The following APBA2 variants were observed in gnomAD, a reference collection of about 807,000 sequenced individuals.
APBA2 encodes the protein amyloid-beta A4 precursor protein-binding family A member 2.
Under a neutral mutation model 75.0 loss-of-function variants are expected in APBA2, and 30 were observed. The ratio of observed to expected loss-of-function variants is 0.40; its 90% CI spans 0.30 to 0.54. The LOEUF (loss-of-function observed/expected upper bound fraction) is 0.54. Ranked by LOEUF, APBA2 falls within the 20% of genes least tolerant of loss-of-function variation. The probability of loss-of-function intolerance (pLI) is 0.49; values close to 1 mark genes in which losing one functional copy is unlikely to be tolerated. For synonymous variants in APBA2, 444 were observed against 409.6 expected (o/e 1.08, Z -1.01); for missense variants, 801 against 1,016.1 (o/e 0.79, Z 2.88).
At chr15:28,904,936 A>G (rs1370940801) in intron 1 of APBA2, among the ~76,000 whole-genome samples, 2 of 152,264 alleles carry the variant, frequency 1.3e-5, no homozygotes, top group African/African-American at 4.8e-5. Flanking sequence ...TCACCAGCAC[A>G]CTGAGGGGCT....
At chr15:28,954,247 T>C (rs2036046515) in intron 2 of APBA2, among the ~76,000 whole-genome samples, 1 of 152,186 alleles carries the variant, frequency 6.6e-6, no homozygotes, top group African/African-American at 2.4e-5. Context: ...CCACACTGAC[T>C]GCATACCTTC....
At chr15:29,060,045 A>G (rs926169654) in intron 4 of APBA2, among the ~76,000 whole-genome samples, 2 of 152,158 alleles carry the variant, frequency 1.3e-5, no homozygotes, top group African/African-American at 2.4e-5. Flanking sequence ...ACCCGTACAC[A>G]TGAACTCCCA....
intron 2 of APBA2, among the ~76,000 whole-genome samples, chr15:28,988,050 C>T (rs939523074): frequency 6.6e-6 from 1 of 151,898 alleles, no homozygotes; most frequent in African/African-American, 2.4e-5. Flanking sequence ...AGCCACCATG[C>T]CCAGCCTGTG....
chr15:29,090,363 G>T (rs2043500098), intron 6 of APBA2, among the ~76,000 whole-genome samples: 1 of 152,232 alleles, frequency 6.6e-6, no homozygotes, highest in South Asian at 2.1e-4. Flanking sequence ...GCTCACTTCA[G>T]GGGGAGACGA....
In APBA2 at chr15:28,967,527, C is replaced by G. The variant is rs546457945; in HGVS notation, c.-94-28226C>G. Among the ~76,000 whole-genome samples, 166 of 152,236 alleles carry G rather than the reference C, an allele frequency of 1.1e-3. 1 individual carries two copies. Among genetic ancestry groups the G allele is most frequent in the African/African-American group, 4.0e-3 (165 of 41,536 alleles). ...GATCTTGGCCCACTGCAAGCTCCGC[C>G]TCCCGGGTTCACACCATTCTCCTGC... On this transcript the variant is annotated intron_variant, in intron 2 of 14. Transcript: ENST00000683413.
intron 2 of APBA2, among the ~76,000 whole-genome samples, chr15:28,940,348 T>A (rs1474037851): frequency 1.1e-4 from 2 of 18,512 alleles, no homozygotes. Context: ...CCGTCTCTAC[T>A]AAAAATACAA....
Position 28,913,704 on chromosome 15 carries a change from A to G in APBA2, c.-204-7936A>G, listed in dbSNP as rs1234558328. Among the ~76,000 whole-genome samples the G allele has an allele frequency of 3.3e-5, 5 of 152,224 alleles. 1 individual carries two copies. The highest frequency in any genetic ancestry group is 2.0e-4 in the Admixed American group (3 of 15,286). ...AGCACATGAGACAAGGGGAGCCCCC[A>G]CTTGTGGGTCTCACCGTCTTTAGAA... On this transcript the variant is annotated intron_variant, in intron 1 of 14. Transcript: ENST00000683413.
chr15:29,069,212 G>C (rs1296622013), intron 4 of APBA2, among the ~76,000 whole-genome samples: 1 of 152,150 alleles, frequency 6.6e-6, no homozygotes, highest in Non-Finnish European at 1.5e-5. Flanking sequence ...GTGGCTGAAT[G>C]ATATTCCACT....
chr15:29,064,827 G>C (rs1303455112), intron 4 of APBA2, among the ~76,000 whole-genome samples: 1 of 152,160 alleles, frequency 6.6e-6, no homozygotes, highest in Admixed American at 6.5e-5. Flanking sequence ...GCAGTTAGGA[G>C]ATATCTTACT....
intron 2 of APBA2, among the ~76,000 whole-genome samples, chr15:28,924,536 C>A (rs1194544529): frequency 6.6e-6 from 1 of 152,192 alleles, no homozygotes; most frequent in African/African-American, 2.4e-5. Flanking sequence ...TTCTTTCTGG[C>A]TTCTTTGGCT....
intron 6 of APBA2, among the ~76,000 whole-genome samples, 153 bp from the exon 7 acceptor site, chr15:29,092,922 C>T (rs780213381): frequency 6.6e-6 from 1 of 152,202 alleles, no homozygotes; most frequent in African/African-American, 2.4e-5. Context: ...GCAGACCGGC[C>T]GCCCGTGGCT....
intron 2 of APBA2, among the ~76,000 whole-genome samples, chr15:28,931,694 C>G (rs1159161188): frequency 6.6e-6 from 1 of 152,118 alleles, no homozygotes; most frequent in African/African-American, 2.4e-5. Flanking sequence ...TGGTTGTTTT[C>G]CGGAGTTTGG....
intron 1 of APBA2, among the ~76,000 whole-genome samples, chr15:28,913,796 A>G (rs1190897899): frequency 6.6e-6 from 1 of 152,210 alleles, no homozygotes; most frequent in Non-Finnish European, 1.5e-5. Context: ...AGTTTCTTTC[A>G]TTGTATTCGG....
rs563865344 is a variant in APBA2, at chr15:28,919,884, C to T, written c.-204-1756C>T. Among the ~76,000 whole-genome samples the T allele has an allele frequency of 3.9e-5, 6 of 152,260 alleles. No homozygotes were observed. In the East Asian group the frequency reaches 1.2e-3, roughly 29 times the overall value. On this transcript the variant is annotated intron_variant, in intron 1 of 14. Coordinates refer to ENST00000683413, the MANE Select transcript of APBA2 (RefSeq NM_001353788.2). ...ATGGGCTTGAGCATGGCTGTGGGTG[C>T]TCCGTGTGGCGACAGTGGCATGTTC...
chr15:28,989,626 G>A (rs900758975), intron 2 of APBA2, among the ~76,000 whole-genome samples: 7 of 152,150 alleles, frequency 4.6e-5, no homozygotes, highest in Admixed American at 1.3e-4. Flanking sequence ...TCCCATCCCC[G>A]CTCCAGGGGG....
chr15:29,080,530 C>T (rs555902971), intron 6 of APBA2, among the ~76,000 whole-genome samples: 9 of 152,238 alleles, frequency 5.9e-5, no homozygotes, highest in Admixed American at 2.6e-4. Context: ...CGGGGTCTAG[C>T]GACCCTCTCA....
intron 3 of APBA2, among the ~76,000 whole-genome samples, chr15:29,031,771 A>G (rs2040498845): frequency 1.3e-5 from 2 of 152,258 alleles, no homozygotes; most frequent in Middle Eastern, 3.4e-3. Context: ...TAATTGGTGC[A>G]TTTTACAATC....
chr15:29,030,239 C>T (rs940687961), intron 3 of APBA2, among the ~76,000 whole-genome samples: 1 of 152,168 alleles, frequency 6.6e-6, no homozygotes, highest in Non-Finnish European at 1.5e-5. Context: ...GCAGGCGGAT[C>T]ACGAAATCGG....
At chr15:28,993,258 A>G (rs1417941041) in intron 2 of APBA2, among the ~76,000 whole-genome samples, 1 of 152,202 alleles carries the variant, frequency 6.6e-6, no homozygotes, top group African/African-American at 2.4e-5. Context: ...CCCTCTGTCC[A>G]GGAGACATAG....
Sources: allele counts gnomAD v4.1 joint callset (sites outside exome capture counted in the v4.1 genomes callset), GRCh38; gene constraint gnomAD v4.1.1; transcripts MANE v1.5; gene names NCBI Gene and HGNC (gene_info 2026-07-23, HGNC 2026-07-21).